The following YWHAZ variants were observed in gnomAD, a reference collection of about 807,000 sequenced individuals.
YWHAZ encodes 14-3-3 protein zeta/delta.
For missense variants in YWHAZ, 79 were observed against 284.8 expected (o/e 0.28, Z 5.20); for synonymous variants, 87 against 103.6 (o/e 0.84, Z 0.97).
chr8:100,951,330 G>C, intron 1 of YWHAZ: 1 of 984,416 alleles, frequency 1.0e-6, no homozygotes, highest in Non-Finnish European at 1.2e-6. Context: ...GCCCCTCCCC[G>C]CCGCGCCACC....
At chr8:100,926,580 C>T (rs1486767074) in intron 2 of YWHAZ, among the ~76,000 whole-genome samples, 1 of 152,192 alleles carries the variant, frequency 6.6e-6, no homozygotes, top group Non-Finnish European at 1.5e-5. Context: ...GGTTGCACCA[C>T]TGCACTGCAG....
chr8:100,948,875 C>A lies in YWHAZ; in HGVS notation c.15G>T (p.Glu5Asp). The change falls in exon 2 of 6, where the codon GAG becomes GAT. Residue 5 changes from glutamate to aspartate, a missense_variant. Coordinates refer to ENST00000395958, the MANE Select transcript of YWHAZ (RefSeq NM_145690.3). This position sits in a 1 kb window ranked among gnomAD's most constrained non-coding sequence, Gnocchi z 4.2. MDKN[E>D]LVQKAKLAEQ... is the part of the protein sequence containing the mutation. ...CGGCCAGTTTGGCCTTCTGAACCAG[C>A]TCATTTTTATCCATGACTGGATGTT... is the stretch of plus-strand genomic sequence containing the variant. 1.3e-6 allele frequency: 2 copies of A among 1,593,340 alleles called. No homozygotes were observed. The highest frequency in any genetic ancestry group is 4.5e-5 in the East Asian group (2 of 44,770).
At position 100,917,380 on chromosome 8, in the gene YWHAZ, T is replaced by G. The variant is rs1019957028; in HGVS notation, c.*3313A>C. On this transcript the variant is annotated 3_prime_UTR_variant, in exon 6 of 6. Transcript: ENST00000395958. ...AGCCCATCGTTTTTACTAATCACAC[T>G]GCTGCTCCACTTTCTGAAGGACAAC... The G allele has an allele frequency of 6.6e-6, 1 of 152,092 alleles. No individual in the cohort carries two copies. Among genetic ancestry groups the G allele is most frequent in the African/African-American group, 2.4e-5 (1 of 41,378 alleles). The allele number at this position is 152,092 out of a possible 1,614,324, so 9.4% of individuals were successfully genotyped here.
chr8:100,951,415 A>AGGAGGGGGCGGCCGAGGGAGAAG, intron 1 of YWHAZ: 1 of 978,408 alleles, frequency 1.0e-6, no homozygotes, highest in Non-Finnish European at 1.2e-6. Context: ...GGGGAGGGAA[A>AGGAGGGGGCGGCCGAGGGAGAAG]GGAGGGGGCG....
At chr8:100,951,893 C>T (rs1810816979) in intron 1 of YWHAZ, 36 bp downstream of exon 1, 1 of 992,454 alleles carries the variant, frequency 1.0e-6, no homozygotes. Flanking sequence ...TGGCCTGGGA[C>T]AGGAAGCGAG....
chr8:100,922,338 A>C lies in YWHAZ; in HGVS notation c.679-1586T>G, dbSNP rs1813078354. The C allele has an allele frequency of 6.6e-6, 1 of 152,190 alleles. No individual in the cohort carries two copies. The highest frequency in any genetic ancestry group is 6.5e-5 in the Admixed American group (1 of 15,282). 9.4% of individuals were successfully genotyped at this position (152,190 alleles called of 1,614,324 possible). ...AGCTGACACTAATAAGGCTCAGAGA[A>C]GACATACAAGTAGTGACAGAATTAG... On this transcript the variant is annotated intron_variant, in intron 5 of 5. Transcript: ENST00000395958. The surrounding 1 kb of genome is among the most constrained non-coding windows in gnomAD (Gnocchi z 4.1).
chr8:100,940,176 G>A (rs1002266381), intron 2 of YWHAZ, among the ~76,000 whole-genome samples: 7 of 152,108 alleles, frequency 4.6e-5, no homozygotes, highest in African/African-American at 1.7e-4. Flanking sequence ...CACTGAAGGC[G>A]TTCCTCTTCT....
rs1428031044 is a variant in YWHAZ at position 100,924,413 on chromosome 8, A to G, written c.419-115T>C. 6.6e-6 allele frequency: 7 copies of G among 1,065,296 alleles called. No individual in the cohort carries two copies. In the East Asian group the frequency reaches 1.5e-4, roughly 23 times the overall value. 66.0% of individuals were successfully genotyped at this position (1,065,296 alleles called of 1,614,324 possible). A position where few individuals can be genotyped will look rare whatever the true frequency, so the allele number is the denominator to read the frequency against. ...TGAAATACTAACCTGTAACAGCTTA[A>G]TATTTGTTAATTGAACAAGGTCCTT... On this transcript the variant is annotated intron_variant, in intron 3 of 5. Coordinates refer to ENST00000395958, the MANE Select transcript of YWHAZ (RefSeq NM_145690.3). The surrounding 1 kb of genome is among the most constrained non-coding windows in gnomAD (Gnocchi z 5.7).
At chr8:100,929,758 C>A (rs1813631280) in intron 2 of YWHAZ, among the ~76,000 whole-genome samples, 1 of 151,994 alleles carries the variant, frequency 6.6e-6, no homozygotes, top group Admixed American at 6.6e-5. Flanking sequence ...AATAACAAAT[C>A]CAAGTTTTCC....
At chr8:100,952,260 C>G, upstream of YWHAZ, 19 of 583,920 alleles carry the variant, frequency 3.3e-5, no homozygotes, top group Non-Finnish European at 4.1e-5. Flanking sequence ...GCCGCCACTC[C>G]TCCCACCCCG....
chr8:100,942,706 T>C (rs1309517169), intron 2 of YWHAZ, among the ~76,000 whole-genome samples: 1 of 152,188 alleles, frequency 6.6e-6, no homozygotes, highest in Non-Finnish European at 1.5e-5. Flanking sequence ...GTATCAGGGA[T>C]AGTGAGACGA....
At chr8:100,951,872 G>T in intron 1 of YWHAZ, 57 bp downstream of exon 1, 1 of 989,518 alleles carries the variant, frequency 1.0e-6, no homozygotes, top group Middle Eastern at 5.2e-4. Context: ...GCTCCCACGC[G>T]TTCGGAAGGC....
At position 100,925,053 on chromosome 8, in the gene YWHAZ, G is replaced by T. The variant is rs1299228999; in HGVS notation, c.295-14C>A. Reference sequence around the variant, plus strand: ...TTCCAAAAGAGACTTAAGAAGAAAAGAAACAGACATAGTGAGAATAAAACA... The same window carrying T: ...TTCCAAAAGAGACTTAAGAAGAAAATAAACAGACATAGTGAGAATAAAACA... On this transcript the variant is annotated splice_polypyrimidine_tract_variant and intron_variant, in intron 2 of 5. Transcript: ENST00000395958. 6.2e-7 allele frequency: 1 copy of T among 1,608,574 alleles called. No homozygotes were observed. Among genetic ancestry groups the T allele is most frequent in the Admixed American group, 1.7e-5 (1 of 58,480 alleles).
chr8:100,950,406 C>G (rs1398117896), intron 1 of YWHAZ: 3 of 985,404 alleles, frequency 3.0e-6, no homozygotes, highest in South Asian at 4.7e-5. Flanking sequence ...TAACCCTTAC[C>G]TGACTTGAGA....
At chr8:100,943,911 CG>C (rs1810062755) in intron 2 of YWHAZ, among the ~76,000 whole-genome samples, 1 of 146,508 alleles carries the variant, frequency 6.8e-6, no homozygotes, top group South Asian at 2.2e-4. Context: ...GGCGTGAGCC[CG>C]GAAGGCAGAG....
At chr8:100,940,337 C>T (rs930456867) in intron 2 of YWHAZ, among the ~76,000 whole-genome samples, 8 of 152,024 alleles carry the variant, frequency 5.3e-5, no homozygotes, top group South Asian at 2.1e-4. Flanking sequence ...GTAAGTGGCA[C>T]GCTATGTATT....
intron 2 of YWHAZ, among the ~76,000 whole-genome samples, chr8:100,941,135 T>C (rs1809819024): frequency 1.3e-5 from 2 of 152,268 alleles, no homozygotes; most frequent in Admixed American, 6.5e-5. Flanking sequence ...TTGCCTGTTC[T>C]AGGCAAGAAC....
chr8:100,947,006 C>T (rs1435163942), intron 2 of YWHAZ, among the ~76,000 whole-genome samples: 2 of 151,648 alleles, frequency 1.3e-5, no homozygotes, highest in African/African-American at 2.4e-5. Flanking sequence ...GTAATCCCAG[C>T]ACTTTGGGAG....
chr8:100,937,929 G>A (rs1424238409), intron 2 of YWHAZ, among the ~76,000 whole-genome samples: 4 of 152,156 alleles, frequency 2.6e-5, no homozygotes, highest in African/African-American at 9.7e-5. Flanking sequence ...TCAGGAGTTC[G>A]AGACCAGCCT....
Sources: gnomAD v4.1 joint callset for allele counts (sites outside exome capture counted in the v4.1 genomes callset) on GRCh38, gnomAD v4.1.1 for gene constraint, Gnocchi (gnomAD v3.1) non-coding constraint, MANE v1.5 for transcripts, NCBI Gene and HGNC (gene_info 2026-07-23, HGNC 2026-07-21) for gene names.